CFAP251: variants seen among roughly 807,000 people sequenced by gnomAD.
The protein encoded by CFAP251 is cilia- and flagella-associated protein 251.
In CFAP251, 93 loss-of-function variants were observed where a neutral mutation model predicts 126.7. The observed-to-expected ratio is 0.73, with a 90% CI of 0.62 to 0.87. The LOEUF is 0.87. Among genes scored for constraint, CFAP251 ranks in the 40% least tolerant of loss-of-function variants. CFAP251 has a pLI of 0.00. For synonymous variants in CFAP251, 503 were observed against 506.9 expected, an observed-to-expected ratio of 0.99 and a Z score of 0.10; for missense variants, 1,287 against 1,389.2, an observed-to-expected ratio of 0.93 and a Z score of 1.17.
intron 8 of CFAP251, chr12:121,950,485 G>A (rs1881480855): frequency 2.0e-5 from 3 of 152,290 alleles, no homozygotes; most frequent in South Asian, 4.1e-4. Flanking sequence ...ATAAAAAATT[G>A]TAGAACAAAA....
At chr12:121,976,419 G>T (rs574247493) in intron 19 of CFAP251, among the ~76,000 whole-genome samples, 1 of 152,036 alleles carries the variant, frequency 6.6e-6, no homozygotes, top group Non-Finnish European at 1.5e-5. Context: ...TGTTAGTCTC[G>T]CTGTCTAGTT....
intron 3 of CFAP251, among the ~76,000 whole-genome samples, chr12:121,928,664 A>G (rs1592963590): frequency 2.2e-5 from 1 of 45,790 alleles, no homozygotes; most frequent in African/African-American, 7.5e-5. Flanking sequence ...ATACGTATAT[A>G]TATACGTATA....
chr12:121,989,567 C>T lies in CFAP251; in HGVS notation c.3007-10149C>T, dbSNP rs1882827529. The stretch of plus-strand genomic sequence containing the variant: ...ACGCTGCCCAGCCCTTACGCCCCCT[C>T]CTCAGCCCACTACTCCCTGCCCCGG... On this transcript the variant is annotated intron_variant, in intron 19 of 21. Transcript: ENST00000288912. This position sits in a 1 kb window ranked among gnomAD's most constrained non-coding sequence, Gnocchi z 4.2. Among the ~76,000 whole-genome samples, 1 of 152,232 alleles carries T rather than the reference C, an allele frequency of 6.6e-6. No homozygotes were observed. Among genetic ancestry groups the T allele is most frequent in the South Asian group, 2.1e-4 (1 of 4,836 alleles).
rs988530851 is a variant in CFAP251, at chr12:121,958,219, A to G, written c.1731-53A>G. 103 of 1,603,166 alleles carry G rather than the reference A, an allele frequency of 6.4e-5. 1 individual carries two copies. Among genetic ancestry groups the G allele is most frequent in the South Asian group, 5.0e-4 (45 of 90,166 alleles). ...TGCAATTAGAAGCAGAATAGCTGGC[A>G]TGCCCCATTCCCTGCAAACACTGAT... is the stretch of plus-strand genomic sequence containing the variant. On this transcript the variant is annotated intron_variant, in intron 11 of 21. Coordinates refer to ENST00000288912, the MANE Select transcript of CFAP251 (RefSeq NM_144668.6).
intron 4 of CFAP251, chr12:121,932,676 A>T (rs966431167): frequency 3.3e-5 from 5 of 152,210 alleles, no homozygotes; most frequent in Admixed American, 2.0e-4. Flanking sequence ...TCCTTAGCTG[A>T]TGCCTAGATC....
intron 2 of CFAP251, among the ~76,000 whole-genome samples, chr12:121,922,070 C>T (rs955060158): frequency 2.0e-5 from 3 of 149,994 alleles, no homozygotes; most frequent in Admixed American, 6.7e-5. Context: ...GCTAGGATTA[C>T]AGGCACACGC....
intron 8 of CFAP251, chr12:121,949,908 A>G (rs1394809391): frequency 6.6e-6 from 1 of 152,196 alleles, no homozygotes; most frequent in Non-Finnish European, 1.5e-5. Context: ...AAAACAAAAC[A>G]CAACAAAACA....
Position 121,975,525 on chromosome 12 carries a change from G to A in CFAP251, c.2863-17G>A, listed in dbSNP as rs192003263. 9,554 of 1,606,916 alleles carry A rather than the reference G, an allele frequency of 5.9e-3. 84 individuals are homozygous for A. The highest frequency in any genetic ancestry group is 0.03 in the Middle Eastern group (183 of 6,026). On this transcript the variant is annotated splice_polypyrimidine_tract_variant and intron_variant, in intron 18 of 21. Coordinates refer to ENST00000288912, the MANE Select transcript of CFAP251 (RefSeq NM_144668.6). ...AAGCCTAAATGTGTGTTGTGTTTCC[G>A]TTGTATTCCTACATAGGAGCTAGAA...
intron 17 of CFAP251, among the ~76,000 whole-genome samples, chr12:121,971,368 C>T (rs1015205967): frequency 3.3e-5 from 5 of 152,192 alleles, no homozygotes; most frequent in Admixed American, 1.3e-4. Context: ...TAAGCCAGTC[C>T]GTGGGCTTGT....
intron 17 of CFAP251, among the ~76,000 whole-genome samples, chr12:121,968,467 G>A (rs1195884034): frequency 6.6e-6 from 1 of 152,154 alleles, no homozygotes; most frequent in African/African-American, 2.4e-5. Context: ...GAAAGATCTA[G>A]GCCGACCCTC....
At chr12:121,963,629 C>T (rs1013838210) in intron 15 of CFAP251, among the ~76,000 whole-genome samples, 15 of 149,578 alleles carry the variant, frequency 1.0e-4, no homozygotes, top group Admixed American at 2.0e-4. Context: ...TGCACATGCA[C>T]GTGGGCCCCT....
At chr12:121,958,085 A>G (rs1306016867) in intron 11 of CFAP251, among the ~76,000 whole-genome samples, 187 bp from the exon 12 acceptor site, 2 of 152,210 alleles carry the variant, frequency 1.3e-5, no homozygotes, top group Non-Finnish European at 2.9e-5. Context: ...ACATGGAGAA[A>G]AGTGGGCTTT....
rs1021174118 is a variant in CFAP251, at chr12:121,954,148, G to A, written c.1349G>A (p.Ser450Asn). ...KTFNKLVGKFSQSIFHLNLTQ... is the reference protein window; with the variant it reads ...KTFNKLVGKFNQSIFHLNLTQ... The stretch of plus-strand genomic sequence containing the variant: ...TTCAACAAGCTTGTGGGAAAGTTTA[G>A]CCAGTCCATCTTTCACTTGAATTTA... Residue 450 changes from serine (S) to asparagine (N), a missense_variant, in exon 10 of 22, where the codon AGC becomes AAC. By Grantham distance (46) the Ser-to-Asn change is conservative (BLOSUM62 1). Coordinates refer to ENST00000288912, the MANE Select transcript of CFAP251 (RefSeq NM_144668.6). 5.0e-6 allele frequency: 8 copies of A among 1,613,880 alleles called. No individual in the cohort carries two copies. In the African/African-American group the frequency reaches 6.7e-5, roughly 13 times the overall value.
rs921145061 is a variant in CFAP251 at position 121,923,987 on chromosome 12, C to T, written c.744C>T (p.Pro248=). Residue 248 remains proline, a synonymous_variant, in exon 3 of 22, where the codon CCC becomes CCT. Coordinates refer to ENST00000288912, the MANE Select transcript of CFAP251 (RefSeq NM_144668.6). Reference sequence around the variant, plus strand: ...AGGATAAAAGCACCCCGGTGTATCCCTTGGTAAGTGTAATGCTTTTAAATC... The same window carrying T: ...AGGATAAAAGCACCCCGGTGTATCCTTTGGTAAGTGTAATGCTTTTAAATC... The part of the protein sequence containing the change: ...FQKDKSTPVY[P]LTMTWSFGWN... 6.3e-7 allele frequency: 1 copy of T among 1,599,436 alleles called. No individual in the cohort carries two copies. The highest frequency in any genetic ancestry group is 8.5e-7 in the Non-Finnish European group (1 of 1,174,930).
chr12:121,980,214 C>T (rs990287911), intron 19 of CFAP251, among the ~76,000 whole-genome samples: 1 of 152,134 alleles, frequency 6.6e-6, no homozygotes, highest in Non-Finnish European at 1.5e-5. Context: ...GGGCTCAGTC[C>T]CCTTTAACCA....
At chr12:121,922,105 CT>C (rs545096948) in intron 2 of CFAP251, among the ~76,000 whole-genome samples, 27,209 of 120,358 alleles carry the variant, frequency 0.23, 3,171 homozygotes, top group East Asian at 0.43. Flanking sequence ...ACAATCCATT[CT>C]TTTTTTTTTT....
intron 19 of CFAP251, chr12:121,997,565 C>A: frequency 6.7e-6 from 1 of 148,838 alleles, no homozygotes; most frequent in Non-Finnish European, 1.5e-5. Flanking sequence ...TTTCCATTTA[C>A]TTATGTTTTC....
intron 9 of CFAP251, among the ~76,000 whole-genome samples, chr12:121,952,456 A>G (rs1339862034): frequency 2.0e-5 from 3 of 151,960 alleles, no homozygotes; most frequent in Non-Finnish European, 4.4e-5. Context: ...GTGTAAGTAA[A>G]GTCGTTGAAC....
At chr12:121,975,736 AC>A in intron 19 of CFAP251, 51 bp downstream of exon 19, 5 of 1,519,520 alleles carry the variant, frequency 3.3e-6, no homozygotes, top group Non-Finnish European at 4.4e-6. Flanking sequence ...TTTATAAAAA[AC>A]AACCTCTGGG....
Sources: gnomAD v4.1 joint callset for allele counts (sites outside exome capture counted in the v4.1 genomes callset) on GRCh38, gnomAD v4.1.1 for gene constraint, Gnocchi (gnomAD v3.1) non-coding constraint, MANE v1.5 for transcripts, NCBI Gene and HGNC (gene_info 2026-07-23, HGNC 2026-07-21) for gene names.